DLGAP1: variants seen among roughly 807,000 people sequenced by gnomAD.
DLGAP1 encodes the protein DLG associated protein 1, also known as disks large-associated protein 1.
A neutral mutation model predicts 90.8 loss-of-function variants in DLGAP1; 11 were observed. The ratio of observed to expected loss-of-function variants is 0.12; its 90% CI spans 0.08 to 0.20. The LOEUF (loss-of-function observed/expected upper bound fraction) is 0.20, where lower values mean the gene tolerates loss of function less well. Ranked by LOEUF, DLGAP1 falls within the 10% of genes least tolerant of loss-of-function variation. The probability of loss-of-function intolerance (pLI) is 1.00; values close to 1 mark genes in which losing one functional copy is unlikely to be tolerated. For synonymous variants in DLGAP1, 558 were observed against 540.7 expected, an observed-to-expected ratio of 1.03 and a Z score of -0.44; for missense variants, 1,050 against 1,333.8, an observed-to-expected ratio of 0.79 and a Z score of 3.31.
intron 4 of DLGAP1, among the ~76,000 whole-genome samples, chr18:3,861,848 C>T (rs2070083306): frequency 1.3e-5 from 2 of 152,232 alleles, no homozygotes; most frequent in African/African-American, 4.8e-5. Context: ...TCCAATGGGC[C>T]TGCCACCAAT....
intron 6 of DLGAP1, among the ~76,000 whole-genome samples, chr18:3,730,017 T>C (rs775876935): frequency 3.9e-5 from 6 of 152,232 alleles, no homozygotes; most frequent in Non-Finnish European, 7.3e-5. Flanking sequence ...AAAAATAGAC[T>C]AAACTCAGAT....
At chr18:4,347,998 T>G (rs536242417) in intron 1 of DLGAP1, among the ~76,000 whole-genome samples, 1 of 152,088 alleles carries the variant, frequency 6.6e-6, no homozygotes, top group African/African-American at 2.4e-5. Context: ...AATTAAGATA[T>G]TAATCCTTCA....
intron 4 of DLGAP1, among the ~76,000 whole-genome samples, chr18:3,820,240 A>T (rs1438361664): frequency 6.6e-6 from 1 of 152,232 alleles, no homozygotes; most frequent in African/African-American, 2.4e-5. Context: ...ACACTTAGAA[A>T]GCCGGGACAG....
intron 5 of DLGAP1, among the ~76,000 whole-genome samples, chr18:3,753,020 A>G (rs1316371478): frequency 2.6e-5 from 4 of 152,170 alleles, no homozygotes; most frequent in African/African-American, 9.7e-5. Flanking sequence ...TCAGCGCATA[A>G]AAATTTTATA....
At chr18:3,583,167 TACCTACCTACCTACCTA>T (rs2055642143) in intron 7 of DLGAP1, among the ~76,000 whole-genome samples, 3 of 111,078 alleles carry the variant, frequency 2.7e-5, no homozygotes, top group Admixed American at 9.4e-5. Context: ...CCTACCTACC[TACCTACCTACCTACCTA>T]CCTTCCTTCC....
intron 2 of DLGAP1, among the ~76,000 whole-genome samples, chr18:4,119,367 T>C (rs7228679): frequency 0.45 from 67,884 of 151,968 alleles, 15,348 homozygotes; most frequent in South Asian, 0.53. Context: ...GTGCTGGGAT[T>C]ACAGGTGTGA....
intron 8 of DLGAP1, among the ~76,000 whole-genome samples, chr18:3,577,160 C>T (rs1020049991): frequency 5.9e-5 from 9 of 152,134 alleles, no homozygotes; most frequent in Non-Finnish European, 1.5e-5. Flanking sequence ...CGTGCCTGGC[C>T]CTTCAGCTCC....
intron 4 of DLGAP1, among the ~76,000 whole-genome samples, chr18:3,816,848 T>A (rs770399330): frequency 6.6e-6 from 1 of 152,224 alleles, no homozygotes; most frequent in Non-Finnish European, 1.5e-5. Context: ...CCTGCAGAAC[T>A]GAGCAATTAT....
At chr18:3,826,457 A>AT (rs1598899949) in intron 4 of DLGAP1, among the ~76,000 whole-genome samples, 1 of 152,338 alleles carries the variant, frequency 6.6e-6, no homozygotes, top group East Asian at 1.9e-4. Flanking sequence ...CGCAGGCTAC[A>AT]TTAAGAGACC....
intron 1 of DLGAP1, among the ~76,000 whole-genome samples, chr18:4,419,435 T>C (rs1488005589): frequency 1.3e-5 from 2 of 152,122 alleles, no homozygotes; most frequent in African/African-American, 2.4e-5. Flanking sequence ...GGAAGTTCTA[T>C]AGGCAGAAAG....
At chr18:4,427,652 G>T (rs532330146) in intron 1 of DLGAP1, among the ~76,000 whole-genome samples, 1 of 152,126 alleles carries the variant, frequency 6.6e-6, no homozygotes, top group African/African-American at 2.4e-5. Context: ...GGCAGTGCCC[G>T]GGCCTGGTCA....
chr18:3,956,842 G>A (rs185210795), intron 3 of DLGAP1, among the ~76,000 whole-genome samples: 3 of 151,782 alleles, frequency 2.0e-5, no homozygotes, highest in Admixed American at 1.3e-4. Context: ...TGTAGAGATG[G>A]GGTCTTACTA....
chr18:4,092,087 T>C (rs1197205903), intron 2 of DLGAP1, among the ~76,000 whole-genome samples: 1 of 152,176 alleles, frequency 6.6e-6, no homozygotes, highest in Non-Finnish European at 1.5e-5. Flanking sequence ...GTTATTGCTA[T>C]GGTTAACCTC....
chr18:4,438,111 G>C (rs1483047417), intron 1 of DLGAP1, among the ~76,000 whole-genome samples: 1 of 152,068 alleles, frequency 6.6e-6, no homozygotes, highest in African/African-American at 2.4e-5. Flanking sequence ...CAGAGCTTTG[G>C]AAGATTTATG....
chr18:4,266,971 A>T (rs1232082079), intron 1 of DLGAP1, among the ~76,000 whole-genome samples: 1 of 152,186 alleles, frequency 6.6e-6, no homozygotes, highest in Non-Finnish European at 1.5e-5. Context: ...TCAGGTGCTG[A>T]GTTTACTAAT....
At chr18:4,130,741 A>G (rs2076301213) in intron 2 of DLGAP1, among the ~76,000 whole-genome samples, 1 of 152,096 alleles carries the variant, frequency 6.6e-6, no homozygotes, top group Non-Finnish European at 1.5e-5. Flanking sequence ...GTCATCACAG[A>G]GAAAGAGCCG....
intron 5 of DLGAP1, among the ~76,000 whole-genome samples, chr18:3,770,234 C>T (rs1490223335): frequency 6.6e-6 from 1 of 152,104 alleles, no homozygotes; most frequent in Non-Finnish European, 1.5e-5. Context: ...CCTGCATCTT[C>T]CATTTTCCCT....
rs112743493 is a variant in DLGAP1, at chr18:3,797,052, G to A, written c.1172+17007C>T. 4.8e-3 allele frequency among the ~76,000 whole-genome samples: 725 copies of A among 152,280 alleles called. 10 individuals are homozygous for A. The highest frequency in any genetic ancestry group is 0.017 in the African/African-American group (687 of 41,548). Reference sequence around the variant, plus strand: ...TGTTCTTATAAGAAGAGACACTGGAGGCCAGGCACGGTGGCTCCTGCCTGT... The same window carrying A: ...TGTTCTTATAAGAAGAGACACTGGAAGCCAGGCACGGTGGCTCCTGCCTGT... On this transcript the variant is annotated intron_variant, in intron 5 of 12. Transcript: ENST00000315677.
intron 1 of DLGAP1, among the ~76,000 whole-genome samples, chr18:4,416,418 A>G (rs1380212236): frequency 2.0e-5 from 3 of 152,234 alleles, no homozygotes; most frequent in African/African-American, 7.2e-5. Context: ...TTTATTCATG[A>G]AAAATAAAGG....
Sources: gnomAD v4.1 joint callset for allele counts (sites outside exome capture counted in the v4.1 genomes callset) on GRCh38, gnomAD v4.1.1 for gene constraint, MANE v1.5 for transcripts, NCBI Gene and HGNC (gene_info 2026-07-23, HGNC 2026-07-21) for gene names.